IQSEC3: variants seen among roughly 807,000 people sequenced by gnomAD.
IQSEC3 encodes IQ motif and Sec7 domain ArfGEF 3.
IQSEC3 carries 50 observed loss-of-function variants against 105.4 expected under a neutral mutation model. The observed-to-expected ratio is 0.47, with a 90% CI of 0.38 to 0.60. The LOEUF (loss-of-function observed/expected upper bound fraction) is 0.60. Among genes scored for constraint, IQSEC3 ranks in the 20% least tolerant of loss-of-function variants. The pLI, the probability that IQSEC3 is intolerant of heterozygous loss-of-function variation, is 0.00. For synonymous variants in IQSEC3, 708 were observed against 746.0 expected (o/e 0.95, Z 0.83); for missense variants, 1,415 against 1,630.0 (o/e 0.87, Z 2.27).
intron 2 of IQSEC3, among the ~76,000 whole-genome samples, chr12:120,268 A>T (rs958952357): frequency 1.3e-5 from 2 of 152,180 alleles, no homozygotes; most frequent in Non-Finnish European, 2.9e-5. Flanking sequence ...GATGCAGAGA[A>T]AGGAGTGGAT....
rs924116347 is a variant in IQSEC3 at position 178,162 on chromosome 12, C to T, written c.*3129C>T. 4 of 152,022 alleles carry T rather than the reference C, an allele frequency of 2.6e-5. No individual in the cohort carries two copies. Among genetic ancestry groups the T allele is most frequent in the African/African-American group, 7.3e-5 (3 of 41,236 alleles). The allele number at this position is 152,022 out of a possible 1,614,324, so 9.4% of individuals were successfully genotyped here. A position where few individuals can be genotyped will look rare whatever the true frequency, so the allele number is the denominator to read the frequency against. ...GTGTCTTGATCCAGCCCTGCGTCTT[C>T]GAGCCCCTGTGCCACCGGTCCCCAC... On this transcript the variant is annotated 3_prime_UTR_variant, in exon 14 of 14. Transcript: ENST00000538872.
chr12:109,449 C>T (rs1367041432), intron 2 of IQSEC3, among the ~76,000 whole-genome samples: 1 of 152,198 alleles, frequency 6.6e-6, no homozygotes, highest in Non-Finnish European at 1.5e-5. Flanking sequence ...CTCACAGCCT[C>T]TCAGTGAAAC....
chr12:171,342 C>T (rs1555100229), intron 13 of IQSEC3, 181 bp downstream of exon 13: 1 of 1,609,328 alleles, frequency 6.2e-7, no homozygotes, highest in East Asian at 2.2e-5. Context: ...GCCACTGTTC[C>T]AGCGCCTAAT....
At chr12:120,459 C>T (rs1236684254) in intron 2 of IQSEC3, among the ~76,000 whole-genome samples, 12 of 152,268 alleles carry the variant, frequency 7.9e-5, no homozygotes, top group Admixed American at 7.8e-4. Flanking sequence ...TGTGGAGTCA[C>T]TGACGGGTTT....
chr12:141,344 T>G, intron 5 of IQSEC3, 59 bp downstream of exon 5: 1 of 1,551,580 alleles, frequency 6.4e-7, no homozygotes, highest in Admixed American at 1.7e-5. Context: ...CTGCCCGGGC[T>G]CTCTCTGTGA....
chr12:108,999 G>C (rs1281574056), intron 2 of IQSEC3, among the ~76,000 whole-genome samples: 1 of 152,246 alleles, frequency 6.6e-6, no homozygotes, highest in Non-Finnish European at 1.5e-5. Flanking sequence ...AGCTGCAAGG[G>C]TCGCCCCTTG....
intron 1 of IQSEC3, among the ~76,000 whole-genome samples, chr12:71,616 G>A (rs1317561432): frequency 1.3e-5 from 2 of 152,256 alleles, no homozygotes; most frequent in African/African-American, 4.8e-5. Context: ...TCAATCTATG[G>A]AGATACCTGT....
chr12:79,197 A>G (rs143138277), intron 1 of IQSEC3, among the ~76,000 whole-genome samples: 310 of 149,672 alleles, frequency 2.1e-3, no homozygotes, highest in African/African-American at 7.3e-3. Flanking sequence ...GGCTGTGGCC[A>G]GACCAGCTTT....
At position 163,477 on chromosome 12, in the gene IQSEC3, G is replaced by GC. The variant is rs782703805; in HGVS notation, c.2584-14dup. On this transcript the variant is annotated splice_polypyrimidine_tract_variant and intron_variant, in intron 8 of 13. Coordinates refer to ENST00000538872, the MANE Select transcript of IQSEC3 (RefSeq NM_001170738.2). ...AGGCCTCTGGTCTCTCCCGCTGAGC[G>GC]CCCTGCCCGCGTGCAGGTGCTGTCC... 1 of 1,592,118 alleles carries GC rather than the reference G, an allele frequency of 6.3e-7. No individual in the cohort carries two copies. The highest frequency in any genetic ancestry group is 8.6e-7 in the Non-Finnish European group (1 of 1,167,762).
At chr12:170,412 CCAAA>C (rs1938921426) in intron 12 of IQSEC3, among the ~76,000 whole-genome samples, 1 of 152,220 alleles carries the variant, frequency 6.6e-6, no homozygotes, top group African/African-American at 2.4e-5. Context: ...TTTCTCATTC[CCAAA>C]CAATGGTGCA....
In IQSEC3 at chr12:116,403, T is replaced by C. The variant is rs1048634243; in HGVS notation, c.624-9230T>C. Among the ~76,000 whole-genome samples the C allele has an allele frequency of 2.0e-5, 3 of 152,256 alleles. No individual in the cohort carries two copies. The East Asian group carries it at 5.8e-4, about 29-fold the overall frequency. On this transcript the variant is annotated intron_variant, in intron 2 of 13. Coordinates refer to ENST00000538872, the MANE Select transcript of IQSEC3 (RefSeq NM_001170738.2). ...CGGAGACCTGGTCCCCAGCTGCCTC[T>C]CCTGTGGAGTACCCTCTCCCAGCAT...
chr12:111,070 G>C (rs564855574), intron 2 of IQSEC3, among the ~76,000 whole-genome samples: 6 of 152,016 alleles, frequency 3.9e-5, no homozygotes, highest in East Asian at 1.9e-4. Flanking sequence ...TGAGATGTAT[G>C]GGGGGGCAAG....
intron 2 of IQSEC3, among the ~76,000 whole-genome samples, chr12:102,103 TC>T (rs1364480117): frequency 4.9e-5 from 7 of 142,746 alleles, no homozygotes; most frequent in Admixed American, 1.4e-4. Flanking sequence ...GTCTGGCTCC[TC>T]CCCCATCAGT....
chr12:102,704 T>C (rs1864466460), intron 2 of IQSEC3, among the ~76,000 whole-genome samples: 1 of 149,414 alleles, frequency 6.7e-6, no homozygotes, highest in Admixed American at 6.6e-5. Flanking sequence ...GGGAACTCTG[T>C]CTTGGGGCTG....
chr12:125,960 G>A, intron 3 of IQSEC3, 48 bp downstream of exon 3: 4 of 1,507,794 alleles, frequency 2.7e-6, no homozygotes, highest in Non-Finnish European at 3.5e-6. Flanking sequence ...AAGGGGCCCT[G>A]CTTTGGGGGC....
intron 5 of IQSEC3, chr12:141,867 G>A (rs1363735401): frequency 6.6e-6 from 1 of 152,386 alleles, no homozygotes; most frequent in Non-Finnish European, 1.5e-5. Context: ...CAGTAGCAGG[G>A]TGGGGACCCC....
At chr12:129,873 G>A (rs1318851900) in intron 3 of IQSEC3, among the ~76,000 whole-genome samples, 1 of 152,186 alleles carries the variant, frequency 6.6e-6, no homozygotes, top group East Asian at 1.9e-4. Context: ...TCACTATGGG[G>A]CACCTCTTCA....
At chr12:94,420 G>C (rs1864183106) in intron 1 of IQSEC3, among the ~76,000 whole-genome samples, 1 of 152,236 alleles carries the variant, frequency 6.6e-6, no homozygotes, top group Non-Finnish European at 1.5e-5. Context: ...TCAAAGGCAG[G>C]CAAGGCAGGA....
chr12:121,396 C>G (rs1238164777), intron 2 of IQSEC3, among the ~76,000 whole-genome samples: 1 of 152,192 alleles, frequency 6.6e-6, no homozygotes, highest in Non-Finnish European at 1.5e-5. Flanking sequence ...TGAGGACATG[C>G]TCTTGATGCT....
Sources: gnomAD v4.1 joint callset for allele counts (sites outside exome capture counted in the v4.1 genomes callset) on GRCh38, gnomAD v4.1.1 for gene constraint, MANE v1.5 for transcripts, NCBI Gene and HGNC (gene_info 2026-07-23, HGNC 2026-07-21) for gene names.